The following SYT9 variants were observed in gnomAD, a reference collection of about 807,000 sequenced individuals.
The protein encoded by SYT9 is synaptotagmin-9.
A neutral mutation model predicts 48.4 loss-of-function variants in SYT9; 22 were observed. The ratio of observed to expected loss-of-function variants is 0.45; its 90% CI spans 0.32 to 0.65. The LOEUF is 0.65. Among genes scored for constraint, SYT9 ranks in the 30% least tolerant of loss-of-function variants. SYT9 has a pLI of 0.03. For missense variants in SYT9, 577 were observed against 622.0 expected (o/e 0.93, Z 0.77); for synonymous variants, 265 against 245.0 (o/e 1.08, Z -0.76).
At chr11:7,351,455 C>T (rs181191525) in intron 3 of SYT9, among the ~76,000 whole-genome samples, 8 of 152,286 alleles carry the variant, frequency 5.3e-5, no homozygotes, top group African/African-American at 1.7e-4. Flanking sequence ...CGCTGAGTTA[C>T]GGACTCCTTG....
At position 7,416,998 on chromosome 11, in the gene SYT9, G is replaced by GA. The variant is rs36070110; in HGVS notation, c.1165+846dup. Among the ~76,000 whole-genome samples the GA allele has an allele frequency of 8.3e-3, 1,227 of 148,574 alleles. 16 individuals carry two copies. The highest frequency in any genetic ancestry group is 0.026 in the African/African-American group (1,035 of 40,554). ...AGCATTAAATTCTGAACTCTAACAA[G>GA]AAAAAAAAAATGCCTCTATATGCAT... is the stretch of plus-strand genomic sequence containing the variant. On this transcript the variant is annotated intron_variant, in intron 4 of 6. Coordinates refer to ENST00000318881, the MANE Select transcript of SYT9 (RefSeq NM_175733.4).
chr11:7,450,667 C>T (rs1359294258), intron 6 of SYT9, among the ~76,000 whole-genome samples: 1 of 152,238 alleles, frequency 6.6e-6, no homozygotes. Context: ...TGCGGACTTA[C>T]TTCTCTCCAC....
chr11:7,311,804 G>C (rs937676920), intron 2 of SYT9, among the ~76,000 whole-genome samples: 14 of 152,296 alleles, frequency 9.2e-5, no homozygotes, highest in Admixed American at 8.5e-4. Context: ...TCTGCCCACA[G>C]AGTCCAGTAA....
At chr11:7,299,491 C>G (rs1356295204) in intron 1 of SYT9, among the ~76,000 whole-genome samples, 2 of 151,854 alleles carry the variant, frequency 1.3e-5, no homozygotes, top group Non-Finnish European at 2.9e-5. Context: ...TTGTGTAAAT[C>G]AGAAAAAAAG....
In SYT9 at chr11:7,407,360, A is replaced by ATTTTTTTTTT. The variant is rs756378336; in HGVS notation, c.1045-8660_1045-8651dup. 1.3e-4 allele frequency among the ~76,000 whole-genome samples: 5 copies of ATTTTTTTTTT among 37,770 alleles called. 1 individual carries two copies. The highest frequency in any genetic ancestry group is 2.9e-4 in the Admixed American group (1 of 3,432). The allele number at this position is 37,770 out of a possible 152,430, so 24.8% of individuals were successfully genotyped here. ...CTCAGGTCTTATGTTTAAGTCTATA[A>ATTTTTTTTTT]TTTTTTTTTTTTTTTTTTTTTTTTT... On this transcript the variant is annotated intron_variant, in intron 3 of 6. Coordinates refer to ENST00000318881, the MANE Select transcript of SYT9 (RefSeq NM_175733.4).
intron 1 of SYT9, among the ~76,000 whole-genome samples, chr11:7,239,410 A>G (rs1218775842): frequency 1.3e-5 from 2 of 152,158 alleles, no homozygotes; most frequent in African/African-American, 2.4e-5. Flanking sequence ...AGCCCTCTAT[A>G]GACTTTCCTT....
At chr11:7,258,049 ATTTTCTAT>A in intron 1 of SYT9, among the ~76,000 whole-genome samples, 1 of 152,294 alleles carries the variant, frequency 6.6e-6, no homozygotes, top group South Asian at 2.1e-4. Flanking sequence ...TCATCCTCAA[ATTTTCTAT>A]TATGTATAGA....
chr11:7,307,077 G>C (rs542426736), intron 2 of SYT9, among the ~76,000 whole-genome samples: 11 of 152,322 alleles, frequency 7.2e-5, no homozygotes, highest in African/African-American at 2.6e-4. Context: ...AAGGCCATTT[G>C]TCCCAGGTCT....
intron 6 of SYT9, chr11:7,457,324 T>C (rs1314616589): frequency 6.6e-6 from 1 of 152,182 alleles, no homozygotes; most frequent in East Asian, 1.9e-4. Context: ...TGCTATCCTC[T>C]CCTAGCACCC....
At chr11:7,369,777 CCACACACACACACACAAACA>C (rs1850323961) in intron 3 of SYT9, among the ~76,000 whole-genome samples, 1 of 124,070 alleles carries the variant, frequency 8.1e-6, no homozygotes, top group South Asian at 2.7e-4. Context: ...TACATACACA[CCACACACACACACACAAACA>C]CACACACACA....
At chr11:7,385,742 C>T (rs1360232769) in intron 3 of SYT9, among the ~76,000 whole-genome samples, 1 of 152,074 alleles carries the variant, frequency 6.6e-6, no homozygotes, top group Non-Finnish European at 1.5e-5. Flanking sequence ...TTTATTTACC[C>T]TGCACAAATG....
intron 3 of SYT9, among the ~76,000 whole-genome samples, chr11:7,345,780 A>C (rs1849789092): frequency 6.6e-6 from 1 of 152,240 alleles, no homozygotes; most frequent in Non-Finnish European, 1.5e-5. Flanking sequence ...GTATTTGAAA[A>C]ATAGATGTTG....
At chr11:7,406,307 C>G (rs1178120685) in intron 3 of SYT9, among the ~76,000 whole-genome samples, 1 of 151,920 alleles carries the variant, frequency 6.6e-6, no homozygotes, top group African/African-American at 2.4e-5. Flanking sequence ...ACCAACTTCC[C>G]TATATCCCAC....
chr11:7,425,465 T>A (rs1847436456), intron 6 of SYT9, among the ~76,000 whole-genome samples: 1 of 152,150 alleles, frequency 6.6e-6, no homozygotes, highest in African/African-American at 2.4e-5. Context: ...GGAAATCAGG[T>A]TCCCATCAAG....
intron 3 of SYT9, among the ~76,000 whole-genome samples, chr11:7,319,451 G>T (rs908773823): frequency 6.6e-6 from 1 of 151,780 alleles, no homozygotes; most frequent in African/African-American, 2.4e-5. Flanking sequence ...GTTGACATTT[G>T]GTCTAATATA....
At chr11:7,318,221 T>A (rs2346810) in intron 3 of SYT9, among the ~76,000 whole-genome samples, 70,159 of 151,668 alleles carry the variant, frequency 0.46, 16,916 homozygotes, top group East Asian at 0.91. Context: ...TTAAATGTTA[T>A]CTTCTCTAAA....
chr11:7,260,065 A>T (rs573835007), intron 1 of SYT9, among the ~76,000 whole-genome samples: 2 of 152,236 alleles, frequency 1.3e-5, no homozygotes, highest in South Asian at 4.1e-4. Context: ...CGTTGAATTG[A>T]TCAATCTTTT....
intron 3 of SYT9, among the ~76,000 whole-genome samples, chr11:7,316,742 T>C (rs1041422146): frequency 6.6e-6 from 1 of 152,266 alleles, no homozygotes; most frequent in Non-Finnish European, 1.5e-5. Context: ...AAATTGATCC[T>C]TCCACTGTTG....
chr11:7,393,948 T>C (rs988767280), intron 3 of SYT9, among the ~76,000 whole-genome samples: 3 of 91,264 alleles, frequency 3.3e-5, no homozygotes, highest in Admixed American at 3.0e-4. Flanking sequence ...GTCACCATTG[T>C]CATTTCTTTT....
Sources: gnomAD v4.1 joint callset for allele counts (sites outside exome capture counted in the v4.1 genomes callset) on GRCh38, gnomAD v4.1.1 for gene constraint, MANE v1.5 for transcripts, NCBI Gene and HGNC (gene_info 2026-07-23, HGNC 2026-07-21) for gene names.